The following MSRA variants were observed in gnomAD, a reference collection of about 807,000 sequenced individuals.
MSRA encodes methionine sulfoxide reductase A.
MSRA carries 54 observed loss-of-function variants against 31.3 expected under a neutral mutation model. That is an observed-to-expected ratio of 1.73 (90% CI 1.39 to 2.17). MSRA has a LOEUF of 2.17. Among genes scored for constraint, MSRA ranks in the 30% most tolerant of loss-of-function variants. The pLI, the probability that MSRA is intolerant of heterozygous loss-of-function variation, is 0.00. For missense variants in MSRA, 507 were observed against 300.9 expected, an observed-to-expected ratio of 1.69 and a Z score of -5.07; for synonymous variants, 169 against 116.5, an observed-to-expected ratio of 1.45 and a Z score of -2.90.
intron 5 of MSRA, among the ~76,000 whole-genome samples, chr8:10,389,330 G>A (rs1202015293): frequency 6.6e-6 from 1 of 152,208 alleles, no homozygotes; most frequent in African/African-American, 2.4e-5. Context: ...TGATTTTTGA[G>A]GCATGGTGAG....
At chr8:10,365,715 C>G (rs1169523410) in intron 5 of MSRA, among the ~76,000 whole-genome samples, 1 of 152,208 alleles carries the variant, frequency 6.6e-6, no homozygotes, top group Non-Finnish European at 1.5e-5. Context: ...GGGATCACCT[C>G]CTAATCCCAG....
intron 3 of MSRA, among the ~76,000 whole-genome samples, chr8:10,272,158 T>C (rs116733534): frequency 0.013 from 2,031 of 152,356 alleles, 48 homozygotes; most frequent in African/African-American, 0.047. Context: ...CACTTTGTTC[T>C]TTGTAAAAGC....
chr8:10,273,919 G>A (rs1799178281), intron 3 of MSRA, among the ~76,000 whole-genome samples: 1 of 152,124 alleles, frequency 6.6e-6, no homozygotes, highest in Non-Finnish European at 1.5e-5. Flanking sequence ...ATCCTAAGAG[G>A]TCTACCTGAG....
intron 1 of MSRA, among the ~76,000 whole-genome samples, chr8:10,084,155 C>T (rs988922463): frequency 2.0e-5 from 3 of 152,260 alleles, no homozygotes; most frequent in African/African-American, 7.2e-5. Context: ...GGAGTACTCT[C>T]CGACTTGTCC....
At chr8:10,322,943 A>T (rs1450668938) in intron 5 of MSRA, among the ~76,000 whole-genome samples, 4 of 152,136 alleles carry the variant, frequency 2.6e-5, no homozygotes, top group Non-Finnish European at 4.4e-5. Context: ...TACAAAAATT[A>T]GCCAGGCGTG....
At chr8:10,427,452 G>A (rs1809249277) in intron 5 of MSRA, among the ~76,000 whole-genome samples, 1 of 152,168 alleles carries the variant, frequency 6.6e-6, no homozygotes, top group South Asian at 2.1e-4. Context: ...CGCAGAGGGT[G>A]GTGATGAGCC....
intron 3 of MSRA, among the ~76,000 whole-genome samples, chr8:10,297,028 T>C (rs1800582231): frequency 6.6e-6 from 1 of 152,126 alleles, no homozygotes; most frequent in Non-Finnish European, 1.5e-5. Context: ...GGTGACATTT[T>C]CTCCACGGAT....
intron 4 of MSRA, among the ~76,000 whole-genome samples, chr8:10,311,665 C>G (rs1003205547): frequency 6.6e-6 from 1 of 152,068 alleles, no homozygotes; most frequent in African/African-American, 2.4e-5. Flanking sequence ...GTAATACCAG[C>G]GTTTTGGGAG....
intron 1 of MSRA, among the ~76,000 whole-genome samples, chr8:10,124,427 G>T (rs1385689131): frequency 1.3e-5 from 2 of 152,162 alleles, no homozygotes; most frequent in Non-Finnish European, 2.9e-5. Flanking sequence ...CACAAAATTT[G>T]TGCTTTTGAT....
At chr8:10,140,173 G>A (rs986100770) in intron 1 of MSRA, among the ~76,000 whole-genome samples, 4 of 152,142 alleles carry the variant, frequency 2.6e-5, no homozygotes, top group Non-Finnish European at 5.9e-5. Flanking sequence ...ATAAACAGAG[G>A]GATACTCAGC....
chr8:10,100,857 T>C (rs981104866), intron 1 of MSRA, among the ~76,000 whole-genome samples: 1 of 152,196 alleles, frequency 6.6e-6, no homozygotes, highest in South Asian at 2.1e-4. Flanking sequence ...CTTACACAAT[T>C]AGAATACCCC....
intron 1 of MSRA, among the ~76,000 whole-genome samples, chr8:10,202,961 G>A (rs76648105): frequency 0.021 from 3,216 of 152,080 alleles, 44 homozygotes; most frequent in Non-Finnish European, 0.033. Context: ...GTCCTGGATC[G>A]CCTGTTCTTA....
chr8:10,394,198 C>A (rs975039129), intron 5 of MSRA, among the ~76,000 whole-genome samples: 2 of 152,172 alleles, frequency 1.3e-5, no homozygotes, highest in Non-Finnish European at 2.9e-5. Flanking sequence ...CCAAAAGGGG[C>A]CATTCAATGT....
chr8:10,345,355 G>C (rs1231567632), intron 5 of MSRA, among the ~76,000 whole-genome samples: 1 of 152,192 alleles, frequency 6.6e-6, no homozygotes, highest in East Asian at 1.9e-4. Context: ...GGGCCAGCCT[G>C]AGTTTGAGGT....
At chr8:10,087,112 A>C (rs1273216587) in intron 1 of MSRA, among the ~76,000 whole-genome samples, 1 of 152,188 alleles carries the variant, frequency 6.6e-6, no homozygotes, top group Non-Finnish European at 1.5e-5. Flanking sequence ...TGTGTTTGCA[A>C]AGTGTCTTAT....
chr8:10,239,593 T>C (rs1236032417), intron 2 of MSRA, among the ~76,000 whole-genome samples: 1 of 152,272 alleles, frequency 6.6e-6, no homozygotes, highest in Admixed American at 6.5e-5. Flanking sequence ...AAACTCCTTT[T>C]GCCTACTTGT....
At chr8:10,182,955 A>G (rs1024237735) in intron 1 of MSRA, among the ~76,000 whole-genome samples, 1 of 152,226 alleles carries the variant, frequency 6.6e-6, no homozygotes, top group South Asian at 2.1e-4. Context: ...CCCCCTTTAC[A>G]TCAGCATGCC....
chr8:10,280,845 T>A (rs1220676458), intron 3 of MSRA, among the ~76,000 whole-genome samples: 1 of 152,226 alleles, frequency 6.6e-6, no homozygotes, highest in Non-Finnish European at 1.5e-5. Context: ...GAACTACTAA[T>A]GCACACAACA....
intron 1 of MSRA, among the ~76,000 whole-genome samples, chr8:10,092,881 T>C (rs1798928150): frequency 6.6e-6 from 1 of 152,212 alleles, no homozygotes; most frequent in African/African-American, 2.4e-5. Flanking sequence ...TTCTTATGTA[T>C]GTTTATATTG....
Sources: gnomAD v4.1 joint callset for allele counts (sites outside exome capture counted in the v4.1 genomes callset) on GRCh38, gnomAD v4.1.1 for gene constraint, MANE v1.5 for transcripts, NCBI Gene and HGNC (gene_info 2026-07-23, HGNC 2026-07-21) for gene names.